Variants in SYNJ1 observed in about 807,000 individuals in gnomAD.
SYNJ1 encodes the protein polyphosphatidylinositol phosphatase SYNJ1.
SYNJ1 carries 78 observed loss-of-function variants against 168.2 expected under a neutral mutation model. The observed-to-expected ratio is 0.46, with a 90% CI of 0.39 to 0.56. The LOEUF (loss-of-function observed/expected upper bound fraction) is 0.56, where lower values mean the gene tolerates loss of function less well. SYNJ1 is among the 20% of genes least tolerant of loss of function. The pLI, the probability that SYNJ1 is intolerant of heterozygous loss-of-function variation, is 0.00. For synonymous variants in SYNJ1, 539 were observed against 548.6 expected, an observed-to-expected ratio of 0.98 and a Z score of 0.24; for missense variants, 1,303 against 1,597.6, an observed-to-expected ratio of 0.82 and a Z score of 3.14.
At position 32,656,758 on chromosome 21, in the gene SYNJ1, A is replaced by T; in HGVS notation, c.2724T>A (p.Asn908Lys). ...VSIKSSLPEN[N>K]FFDDALIDEL... Reference sequence around the variant, plus strand: ...CATCAATCAAGGCATCATCAAAAAAATTATTTTCTGGTAAAGAACTTTTGA... The same window carrying T: ...CATCAATCAAGGCATCATCAAAAAATTTATTTTCTGGTAAAGAACTTTTGA... Residue 908 changes from asparagine to lysine, a missense_variant, in exon 21 of 33, where the codon AAT (asparagine) becomes AAA (lysine). Transcript: ENST00000674351. The T allele has an allele frequency of 6.2e-7, 1 of 1,614,132 alleles. No individual in the cohort carries two copies.
At chr21:32,710,330 T>C (rs1166492111) in intron 2 of SYNJ1, among the ~76,000 whole-genome samples, 1 of 152,204 alleles carries the variant, frequency 6.6e-6, no homozygotes, top group East Asian at 1.9e-4. Context: ...ACAGTTACAC[T>C]ATTTCTCCAA....
At chr21:32,716,773 T>C (rs762621437) in intron 2 of SYNJ1, among the ~76,000 whole-genome samples, 1 of 152,234 alleles carries the variant, frequency 6.6e-6, no homozygotes, top group African/African-American at 2.4e-5. Flanking sequence ...TATTCATGTA[T>C]ATTGGGTCAC....
intron 6 of SYNJ1, among the ~76,000 whole-genome samples, chr21:32,690,551 T>TC (rs1304262300): frequency 2.0e-5 from 3 of 152,120 alleles, no homozygotes; most frequent in Non-Finnish European, 4.4e-5. Flanking sequence ...AAAGTAGCAC[T>TC]CCAGAAAGTG....
At chr21:32,714,576 AG>A (rs2042955419) in intron 2 of SYNJ1, among the ~76,000 whole-genome samples, 2 of 152,132 alleles carry the variant, frequency 1.3e-5, no homozygotes, top group South Asian at 4.2e-4. Flanking sequence ...TGAGGGGAAG[AG>A]GTGTTGAGGA....
chr21:32,722,231 T>TATATAA (rs963108414), intron 2 of SYNJ1, among the ~76,000 whole-genome samples: 4 of 139,638 alleles, frequency 2.9e-5, no homozygotes, highest in African/African-American at 1.1e-4. Flanking sequence ...TATATATATA[T>TATATAA]AATGTATGCA....
rs988899046 is a variant in SYNJ1 at position 32,721,082 on chromosome 21, G to GA, written c.124+5689dup. ...TTATCTCTTAATAAATTGTTTCCAG[G>GA]AAAAAAATATGTACCTGTTTATAAC... On this transcript the variant is annotated intron_variant, in intron 2 of 32. Transcript: ENST00000674351. 1.3e-5 allele frequency among the ~76,000 whole-genome samples: 2 copies of GA among 152,174 alleles called. 1 individual carries two copies.
At chr21:32,697,701 T>C (rs1034582049) in intron 4 of SYNJ1, among the ~76,000 whole-genome samples, 1 of 152,216 alleles carries the variant, frequency 6.6e-6, no homozygotes, top group Non-Finnish European at 1.5e-5. Context: ...CCCAGGAGGC[T>C]GAGGCAGGAG....
At position 32,648,057 on chromosome 21, in the gene SYNJ1, T is replaced by C. The variant is rs370905805; in HGVS notation, c.3038-1455A>G. Among the ~76,000 whole-genome samples, 14 of 152,232 alleles carry C rather than the reference T, an allele frequency of 9.2e-5. No individual in the cohort carries two copies. The East Asian group carries it at 2.7e-3, about 29-fold the overall frequency. The stretch of plus-strand genomic sequence containing the variant: ...AGCCTGCCCCCAAGCTGGAGTCTCA[T>C]TACATGGTTGTCACTTGGGTATCTG... On this transcript the variant is annotated intron_variant, in intron 23 of 32. Transcript: ENST00000674351.
intron 18 of SYNJ1, among the ~76,000 whole-genome samples, chr21:32,660,222 G>A (rs186186565): frequency 6.6e-6 from 1 of 152,332 alleles, no homozygotes; most frequent in Admixed American, 6.5e-5. Context: ...CATGTCTAAG[G>A]GCCCTGGCAG....
At chr21:32,675,146 T>C (rs1479135902) in intron 13 of SYNJ1, among the ~76,000 whole-genome samples, 1 of 152,216 alleles carries the variant, frequency 6.6e-6, no homozygotes, top group Non-Finnish European at 1.5e-5. Flanking sequence ...TTGAAGTCAC[T>C]GCTTGTTACC....
intron 2 of SYNJ1, among the ~76,000 whole-genome samples, chr21:32,709,475 C>T (rs1453014030): frequency 7.2e-5 from 3 of 41,946 alleles, no homozygotes; most frequent in Admixed American, 4.0e-4. Context: ...AAGACTCTGT[C>T]TCAAAAAAAA....
intron 12 of SYNJ1, among the ~76,000 whole-genome samples, chr21:32,676,729 G>T (rs2041425490): frequency 6.6e-6 from 1 of 152,158 alleles, no homozygotes; most frequent in African/African-American, 2.4e-5. Context: ...GGAAGATACT[G>T]CCCTAATACA....
rs764768244 is a variant in SYNJ1, at chr21:32,681,555, T to C, written c.1294A>G (p.Asn432Asp). The change falls in exon 11 of 33, where the codon AAT becomes GAT. Residue 432 changes from asparagine (N) to aspartate (D), a missense_variant. Physicochemically the swap from Asn to Asp is conservative, Grantham distance 23 (BLOSUM62 1). Coordinates refer to ENST00000674351, the MANE Select transcript of SYNJ1 (RefSeq NM_203446.3). ...TATATCTTACTGATTGAATCACCAT[T>C]CACGGACCACATTGACCGAAAAACT... is the stretch of plus-strand genomic sequence containing the variant. Reference protein sequence around the residue: ...QEVFRSMWSVNGDSISKIYAG... With the variant: ...QEVFRSMWSVDGDSISKIYAG... The C allele has an allele frequency of 3.7e-6, 6 of 1,613,874 alleles. No individual in the cohort carries two copies. The highest frequency in any genetic ancestry group is 3.4e-6 in the Non-Finnish European group (4 of 1,179,866).
intron 29 of SYNJ1, 84 bp from the exon 30 acceptor site, chr21:32,639,863 A>T (rs1681723183): frequency 8.6e-7 from 1 of 1,157,558 alleles, no homozygotes; most frequent in Non-Finnish European, 1.3e-6. Flanking sequence ...TTTGCATCTC[A>T]TTTACTTTCT....
intron 26 of SYNJ1, among the ~76,000 whole-genome samples, chr21:32,644,142 A>T (rs2039965220): frequency 6.6e-6 from 1 of 151,546 alleles, no homozygotes; most frequent in African/African-American, 2.4e-5. Context: ...GAGCTTGAAA[A>T]GGGAAAAATT....
intron 13 of SYNJ1, among the ~76,000 whole-genome samples, chr21:32,675,162 G>A (rs539619594): frequency 1.4e-4 from 22 of 152,218 alleles, no homozygotes; most frequent in Admixed American, 1.0e-3. Context: ...TTACCAATGC[G>A]AACATAGTGT....
At chr21:32,663,228 C>A (rs901127383) in intron 18 of SYNJ1, among the ~76,000 whole-genome samples, 21 of 152,190 alleles carry the variant, frequency 1.4e-4, no homozygotes, top group Non-Finnish European at 3.1e-4. Flanking sequence ...CTGATAATTT[C>A]TGGGTCCTAA....
intron 2 of SYNJ1, among the ~76,000 whole-genome samples, chr21:32,715,554 TTATC>T (rs1328293550): frequency 3.3e-5 from 5 of 152,158 alleles, no homozygotes; most frequent in Non-Finnish European, 7.3e-5. Context: ...ATGATTTTGT[TTATC>T]TATATTTCAG....
At chr21:32,675,500 T>C (rs1347309030) in intron 13 of SYNJ1, among the ~76,000 whole-genome samples, 1 of 152,122 alleles carries the variant, frequency 6.6e-6, no homozygotes, top group Admixed American at 6.6e-5. Flanking sequence ...ATTATATAAC[T>C]CAAAAATATA....
Sources: gnomAD v4.1 joint callset for allele counts (sites outside exome capture counted in the v4.1 genomes callset) on GRCh38, gnomAD v4.1.1 for gene constraint, MANE v1.5 for transcripts, NCBI Gene and HGNC (gene_info 2026-07-23, HGNC 2026-07-21) for gene names.